Variants in RPA1 observed in about 807,000 individuals in gnomAD.
The protein encoded by RPA1 is replication protein A1.
In RPA1, 49 loss-of-function variants were observed where a neutral mutation model predicts 83.0. The ratio of observed to expected loss-of-function variants is 0.59; its 90% CI spans 0.47 to 0.75. The LOEUF (loss-of-function observed/expected upper bound fraction) is 0.75. RPA1 is among the 30% of genes least tolerant of loss of function. The pLI is 0.00. For missense variants in RPA1, 693 were observed against 776.1 expected (o/e 0.89, Z 1.27); for synonymous variants, 279 against 281.8 (o/e 0.99, Z 0.10).
chr17:1,862,914 C>T (rs1317255569), intron 5 of RPA1, among the ~76,000 whole-genome samples: 1 of 151,562 alleles, frequency 6.6e-6, no homozygotes, highest in Non-Finnish European at 1.5e-5. Context: ...GACGAAGTTT[C>T]ACCATGTTGG....
At position 1,879,319 on chromosome 17, in the gene RPA1, CTG is replaced by C; in HGVS notation, c.867_868del (p.Cys289Ter). On this transcript the variant is annotated frameshift_variant, in exon 10 of 17. Coordinates refer to ENST00000254719, the MANE Select transcript of RPA1 (RefSeq NM_002945.5). LOFTEE classifies it high-confidence loss of function. The stretch of plus-strand genomic sequence containing the variant: ...TCAATAACGAGACTTCCGTCATGCC[CTG>C]TGAGGACGACCATCATTTACCTACG... ...TFNNETSVMP[C>X]EDDHHLPTVQ... 6.2e-7 allele frequency: 1 copy of C among 1,614,196 alleles called. No individual in the cohort carries two copies. The highest frequency in any genetic ancestry group is 8.5e-7 in the Non-Finnish European group (1 of 1,180,042).
rs145420769 is a variant in RPA1, at chr17:1,861,942, C to T, written c.361+8753C>T. On this transcript the variant is annotated intron_variant, in intron 5 of 16. Transcript: ENST00000254719. ...TGAGACGGAGTCTCACTGTGTCGCC[C>T]AGGCTGGAGTGCAGTGGCGCGGTCT... is the stretch of plus-strand genomic sequence containing the variant. Among the ~76,000 whole-genome samples the T allele has an allele frequency of 5.8e-3, 888 of 151,926 alleles. 11 individuals carry two copies. Among genetic ancestry groups the T allele is most frequent in the African/African-American group, 0.02 (845 of 41,424 alleles).
At position 1,842,869 on chromosome 17, in the gene RPA1, T is replaced by C. The variant is rs752689431; in HGVS notation, c.84+16T>C. 1 of 1,612,972 alleles carries C rather than the reference T, an allele frequency of 6.2e-7. No individual in the cohort carries two copies. The highest frequency in any genetic ancestry group is 2.2e-5 in the East Asian group (1 of 44,874). On this transcript the variant is annotated intron_variant, in intron 2 of 16. Coordinates refer to ENST00000254719, the MANE Select transcript of RPA1 (RefSeq NM_002945.5). Reference sequence around the variant, plus strand: ...CCAAGTCATCGTAAGTACCTGCGTATGTTATGTTCCATGTCAACTTCTTTG... The same window carrying C: ...CCAAGTCATCGTAAGTACCTGCGTACGTTATGTTCCATGTCAACTTCTTTG...
chr17:1,842,964 C>G, intron 2 of RPA1, 111 bp downstream of exon 2: 1 of 1,119,868 alleles, frequency 8.9e-7, no homozygotes, highest in Non-Finnish European at 1.3e-6. Flanking sequence ...AATTCACCCC[C>G]AGTCACAAAA....
intron 8 of RPA1, among the ~76,000 whole-genome samples, chr17:1,877,953 G>A (rs191675006): frequency 3.9e-5 from 6 of 152,330 alleles, no homozygotes; most frequent in African/African-American, 9.6e-5. Context: ...TGAAATTGCC[G>A]GGTGTGGTGG....
Position 1,877,245 on chromosome 17 carries a change from T to G in RPA1, c.621T>G (p.Ser207Arg). ...TTTGTGCTCGTGTTACCAACAAAAG[T>G]CAGATCCGTACCTGGAGCAACTCCC... ...WTICARVTNK[S>R]QIRTWSNSRG... is the part of the protein sequence containing the mutation. The change falls in exon 8 of 17, where the codon AGT (serine) becomes AGG (arginine). Residue 207 changes from serine to arginine, a missense_variant. Coordinates refer to ENST00000254719, the MANE Select transcript of RPA1 (RefSeq NM_002945.5). The G allele has an allele frequency of 6.2e-7, 1 of 1,614,172 alleles. No homozygotes were observed. Among genetic ancestry groups the G allele is most frequent in the Admixed American group, 1.7e-5 (1 of 60,012 alleles).
At chr17:1,879,900 T>C (rs1913719224) in intron 11 of RPA1, among the ~76,000 whole-genome samples, 1 of 145,162 alleles carries the variant, frequency 6.9e-6, no homozygotes, top group Admixed American at 6.8e-5. Flanking sequence ...TCTTGTCCTA[T>C]AGGATGGGGC....
chr17:1,853,951 T>A (rs550461511), intron 5 of RPA1, among the ~76,000 whole-genome samples: 2 of 152,190 alleles, frequency 1.3e-5, no homozygotes, highest in Non-Finnish European at 2.9e-5. Context: ...AGAGATCATG[T>A]TTGTTCTAGT....
chr17:1,856,887 C>G (rs750803930), intron 5 of RPA1, among the ~76,000 whole-genome samples: 4 of 151,828 alleles, frequency 2.6e-5, no homozygotes, highest in Non-Finnish European at 5.9e-5. Flanking sequence ...AGAGTTTCAT[C>G]AATCTTATTG....
chr17:1,875,552 T>C (rs947264454), intron 6 of RPA1, 109 bp from the exon 7 acceptor site: 11 of 1,183,068 alleles, frequency 9.3e-6, no homozygotes, highest in Non-Finnish European at 1.3e-5. Flanking sequence ...TCTCATGTTA[T>C]ATGATTTCAC....
rs939960620 is a variant in RPA1, at chr17:1,895,060, A to C, written c.1711A>C (p.Ile571Leu). 2 of 1,613,596 alleles carry C rather than the reference A, an allele frequency of 1.2e-6. No homozygotes were observed. The highest frequency in any genetic ancestry group is 2.7e-5 in the African/African-American group (2 of 74,896). The change falls in exon 16 of 17, where the codon ATA (isoleucine) becomes CTA (leucine). Residue 571 changes from isoleucine to leucine, a missense_variant. By Grantham distance (5) the Ile-to-Leu change is conservative. Transcript: ENST00000254719. Reference sequence around the variant, plus strand: ...CCAGAATGCCAACTTCCGATCTTTCATATTCAGAGTCAGGGTCAAAGTGGA... The same window carrying C: ...CCAGAATGCCAACTTCCGATCTTTCCTATTCAGAGTCAGGGTCAAAGTGGA... Reference protein sequence around the residue: ...VFQNANFRSFIFRVRVKVETY... With the variant: ...VFQNANFRSFLFRVRVKVETY...
intron 5 of RPA1, among the ~76,000 whole-genome samples, chr17:1,856,372 G>A (rs1912698090): frequency 6.6e-6 from 1 of 152,036 alleles, no homozygotes; most frequent in Non-Finnish European, 1.5e-5. Flanking sequence ...GCTGAGGCGG[G>A]CGGATCACGA....
In RPA1 at chr17:1,836,226, C is replaced by T. The variant is rs546024743; in HGVS notation, c.33+6100C>T. 1.6e-3 allele frequency among the ~76,000 whole-genome samples: 246 copies of T among 151,712 alleles called. 1 individual carries two copies. The highest frequency in any genetic ancestry group is 5.4e-3 in the African/African-American group (225 of 41,370). Reference sequence around the variant, plus strand: ...TCCCAGGTTCAAGCAGTTCTCATGCCTCAGTCTCCTTAGTAATTGGGGTTA... The same window carrying T: ...TCCCAGGTTCAAGCAGTTCTCATGCTTCAGTCTCCTTAGTAATTGGGGTTA... On this transcript the variant is annotated intron_variant, in intron 1 of 16. Coordinates refer to ENST00000254719, the MANE Select transcript of RPA1 (RefSeq NM_002945.5).
At chr17:1,895,659 G>GTATTAATTATT (rs149258342) in intron 16 of RPA1, among the ~76,000 whole-genome samples, 1 of 141,752 alleles carries the variant, frequency 7.1e-6, no homozygotes, top group South Asian at 2.3e-4. Context: ...ATACCATATA[G>GTATTAATTATT]TATTTATTTA....
In RPA1 at chr17:1,884,323, G is replaced by T. The variant is rs958290660; in HGVS notation, c.1374+379G>T. On this transcript the variant is annotated intron_variant, in intron 13 of 16. Transcript: ENST00000254719. This position sits in a 1 kb window ranked among gnomAD's most constrained non-coding sequence, Gnocchi z 4.1. ...ATATCAAAAAGATGTTTTTTGAGAT[G>T]AGCGTTAGTCCGCCTCAGGTCAGAC... Among the ~76,000 whole-genome samples the T allele has an allele frequency of 1.7e-5, 2 of 114,322 alleles. No individual in the cohort carries two copies. The highest frequency in any genetic ancestry group is 5.4e-4 in the East Asian group (2 of 3,716). 75.0% of individuals were successfully genotyped at this position (114,322 alleles called of 152,430 possible).
rs569792788 is a variant in RPA1, at chr17:1,895,147, A to G, written c.1746+52A>G. 18 of 1,443,942 alleles carry G rather than the reference A, an allele frequency of 1.2e-5. No homozygotes were observed. The African/African-American group carries it at 1.5e-4, about 12-fold the overall frequency. 89.4% of individuals were successfully genotyped at this position (1,443,942 alleles called of 1,614,324 possible). On this transcript the variant is annotated intron_variant, in intron 16 of 16. Transcript: ENST00000254719. ...TGGTGGTGGGGAGGTGCTGTTTGTC[A>G]CCTACGGCAGTGTCGTGACACTCCC... is the stretch of plus-strand genomic sequence containing the variant.
chr17:1,874,813 AG>A (rs1913516004), intron 6 of RPA1, among the ~76,000 whole-genome samples: 1 of 152,228 alleles, frequency 6.6e-6, no homozygotes, highest in Non-Finnish European at 1.5e-5. Flanking sequence ...AATGCCTAGA[AG>A]GGTGTGGCAC....
chr17:1,846,916 T>C (rs1912286358), intron 4 of RPA1, among the ~76,000 whole-genome samples: 1 of 152,184 alleles, frequency 6.6e-6, no homozygotes, highest in East Asian at 1.9e-4. Flanking sequence ...ATAATAGTAT[T>C]GATTTTGTTC....
chr17:1,868,360 G>A (rs565325281), intron 5 of RPA1, among the ~76,000 whole-genome samples: 2 of 152,186 alleles, frequency 1.3e-5, no homozygotes, highest in Non-Finnish European at 2.9e-5. Flanking sequence ...GCTAGCGGGT[G>A]GAGAACTAAA....
Sources: gnomAD v4.1 joint callset for allele counts (sites outside exome capture counted in the v4.1 genomes callset) on GRCh38, gnomAD v4.1.1 for gene constraint, Gnocchi (gnomAD v3.1) non-coding constraint, MANE v1.5 for transcripts, NCBI Gene and HGNC (gene_info 2026-07-23, HGNC 2026-07-21) for gene names.